Variants in WWP1 observed in about 807,000 individuals in gnomAD.
WWP1 encodes NEDD4-like E3 ubiquitin-protein ligase WWP1.
A neutral mutation model predicts 130.6 loss-of-function variants in WWP1; 49 were observed. That is an observed-to-expected ratio of 0.38 (90% CI 0.30 to 0.48). The LOEUF is 0.48. Ranked by LOEUF, WWP1 falls within the 20% of genes least tolerant of loss-of-function variation. The probability of loss-of-function intolerance (pLI) is 0.99; values close to 1 mark genes in which losing one functional copy is unlikely to be tolerated. For missense variants in WWP1, 809 were observed against 1,100.6 expected, an observed-to-expected ratio of 0.74 and a Z score of 3.75; for synonymous variants, 332 against 367.8, an observed-to-expected ratio of 0.90 and a Z score of 1.11.
intron 1 of WWP1, among the ~76,000 whole-genome samples, chr8:86,344,199 C>T (rs1250512384): frequency 6.6e-6 from 1 of 152,128 alleles, no homozygotes; most frequent in African/African-American, 2.4e-5. Flanking sequence ...GGGAGCTACT[C>T]AGATTGAGAA....
chr8:86,408,663 C>T (rs2130546873), intron 8 of WWP1, among the ~76,000 whole-genome samples: 1 of 152,272 alleles, frequency 6.6e-6, no homozygotes, highest in Non-Finnish European at 1.5e-5. Flanking sequence ...CGCCTGTAAT[C>T]CCAGCATTTT....
chr8:86,432,726 G>GC (rs1810057579), intron 14 of WWP1, among the ~76,000 whole-genome samples: 1 of 151,950 alleles, frequency 6.6e-6, no homozygotes, highest in South Asian at 2.1e-4. Flanking sequence ...TCCTGCCTCA[G>GC]CCCCCTGAGT....
At chr8:86,388,388 T>A (rs1029077174) in intron 5 of WWP1, among the ~76,000 whole-genome samples, 1 of 152,106 alleles carries the variant, frequency 6.6e-6, no homozygotes, top group Non-Finnish European at 1.5e-5. Context: ...CTGAGGCCAC[T>A]ACGCTTGGCT....
At position 86,431,233 on chromosome 8, in the gene WWP1, C is replaced by G. The variant is rs1809957620; in HGVS notation, c.1388-173C>G. Among the ~76,000 whole-genome samples the G allele has an allele frequency of 2.2e-5, 3 of 137,314 alleles. No homozygotes were observed. In the Admixed American group the frequency reaches 2.3e-4, roughly 10 times the overall value. The allele number at this position is 137,314 out of a possible 152,430, so 90.1% of individuals were successfully genotyped here. On this transcript the variant is annotated intron_variant, in intron 12 of 24. Coordinates refer to ENST00000517970, the MANE Select transcript of WWP1 (RefSeq NM_007013.4). ...TCTATAATATAATATATGTTATATT[C>G]TCTATAATATATATTATATTCTATA...
chr8:86,396,289 C>T (rs780600410), intron 5 of WWP1, among the ~76,000 whole-genome samples: 8 of 151,880 alleles, frequency 5.3e-5, no homozygotes, highest in African/African-American at 9.7e-5. Flanking sequence ...TTTGTAGAGA[C>T]GGGGTTTCAC....
intron 4 of WWP1, 28 bp downstream of exon 4, chr8:86,380,892 A>G (rs201869888): frequency 4.1e-5 from 64 of 1,552,232 alleles, no homozygotes; most frequent in Non-Finnish European, 6.9e-6. Flanking sequence ...AGGACGGAAA[A>G]TCTTCACAAG....
rs1809709376 is a variant in WWP1, at chr8:86,427,690, A to G, written c.1205A>G (p.His402Arg). 6.2e-7 allele frequency: 1 copy of G among 1,613,878 alleles called. No homozygotes were observed. The highest frequency in any genetic ancestry group is 8.5e-7 in the Non-Finnish European group (1 of 1,179,922). The change falls in exon 11 of 25, where the codon CAT (histidine) becomes CGT (arginine). Residue 402 changes from histidine (H) to arginine (R), a missense_variant. This residue lies in a region of WWP1 where 450 missense variants were observed against 674.2 expected (regional missense o/e 0.67). Coordinates refer to ENST00000517970, the MANE Select transcript of WWP1 (RefSeq NM_007013.4). ...DDRRRVYYVD[H>R]NTRTTTWQRP... Reference sequence around the variant, plus strand: ...CGTAGAAGAGTTTATTATGTGGATCATAACACCAGAACAACAACGTGGCAG... The same window carrying G: ...CGTAGAAGAGTTTATTATGTGGATCGTAACACCAGAACAACAACGTGGCAG...
chr8:86,356,448 TA>T (rs944698227), intron 1 of WWP1, among the ~76,000 whole-genome samples: 23 of 150,866 alleles, frequency 1.5e-4, no homozygotes, highest in East Asian at 3.9e-4. Context: ...TTTATATATA[TA>T]TTTTTTTTTA....
intron 2 of WWP1, among the ~76,000 whole-genome samples, chr8:86,373,067 G>GT (rs1824421921): frequency 2.5e-5 from 2 of 78,446 alleles, no homozygotes; most frequent in East Asian, 5.2e-4. Flanking sequence ...TCAGTTCTTA[G>GT]TTTGTTTTTT....
chr8:86,349,357 T>C (rs1452345650), intron 1 of WWP1, among the ~76,000 whole-genome samples: 1 of 152,230 alleles, frequency 6.6e-6, no homozygotes. Flanking sequence ...TTGTAAGGGA[T>C]ACAGTATCAT....
At chr8:86,414,890 T>TCCCCCCCCCCCCCC (rs1222505171) in intron 9 of WWP1, among the ~76,000 whole-genome samples, 13 of 94,796 alleles carry the variant, frequency 1.4e-4, no homozygotes, top group African/African-American at 3.4e-4. Flanking sequence ...CCCCCCCCCA[T>TCCCCCCCCCCCCCC]CCCCCCACCC....
chr8:86,361,577 C>G (rs1272071686), intron 1 of WWP1, among the ~76,000 whole-genome samples: 3 of 152,092 alleles, frequency 2.0e-5, no homozygotes, highest in Admixed American at 2.0e-4. Flanking sequence ...CTCCCCATAC[C>G]CTTCCTAACA....
intron 9 of WWP1, among the ~76,000 whole-genome samples, chr8:86,420,387 T>A (rs1480596772): frequency 2.0e-5 from 3 of 152,126 alleles, no homozygotes; most frequent in African/African-American, 4.8e-5. Flanking sequence ...TAGTATTTTT[T>A]AAAAAAAGAA....
chr8:86,396,126 T>C (rs942370933), intron 5 of WWP1, among the ~76,000 whole-genome samples: 1 of 150,902 alleles, frequency 6.6e-6, no homozygotes, highest in African/African-American at 2.4e-5. Context: ...TGAGATGGAG[T>C]CTTGGTCTGT....
intron 5 of WWP1, among the ~76,000 whole-genome samples, chr8:86,387,606 A>G (rs1308685400): frequency 6.6e-6 from 1 of 151,904 alleles, no homozygotes; most frequent in African/African-American, 2.4e-5. Context: ...TTTGCCTCCT[A>G]GGTTCAAGCA....
chr8:86,442,038 T>C (rs1004961383), intron 17 of WWP1, among the ~76,000 whole-genome samples: 10 of 152,180 alleles, frequency 6.6e-5, no homozygotes, highest in African/African-American at 2.4e-4. Context: ...TTTAATGCAA[T>C]GACAATAAAG....
intron 20 of WWP1, among the ~76,000 whole-genome samples, 171 bp downstream of exon 20, chr8:86,448,684 G>A (rs1245304837): frequency 6.6e-6 from 1 of 152,030 alleles, no homozygotes; most frequent in Non-Finnish European, 1.5e-5. Flanking sequence ...ACTGCCATTT[G>A]CTGTAACCAT....
intron 8 of WWP1, among the ~76,000 whole-genome samples, chr8:86,405,289 G>T (rs1440317421): frequency 2.0e-5 from 3 of 149,878 alleles, no homozygotes; most frequent in African/African-American, 7.4e-5. Context: ...CTCTTAATCT[G>T]CAGTTCCACA....
At chr8:86,371,917 C>T (rs1397991913) in intron 2 of WWP1, among the ~76,000 whole-genome samples, 1 of 151,824 alleles carries the variant, frequency 6.6e-6, no homozygotes, top group African/African-American at 2.4e-5. Context: ...CCTCAGCTCA[C>T]TGCAGCCTCC....
Sources: allele counts gnomAD v4.1 joint callset (sites outside exome capture counted in the v4.1 genomes callset), GRCh38; gene constraint gnomAD v4.1.1; regional missense constraint gnomAD v4.1.1; transcripts MANE v1.5; gene names NCBI Gene and HGNC (gene_info 2026-07-23, HGNC 2026-07-21).